CCDC191: variants seen among roughly 807,000 people sequenced by gnomAD.
CCDC191 encodes the protein coiled-coil domain-containing protein 191.
In CCDC191, 99 loss-of-function variants were observed where a neutral mutation model predicts 114.0. The ratio of observed to expected loss-of-function variants is 0.87; its 90% CI spans 0.74 to 1.03. The LOEUF (loss-of-function observed/expected upper bound fraction) is 1.03, where lower values mean the gene tolerates loss of function less well. Ranked by LOEUF, CCDC191 falls within the 50% of genes least tolerant of loss-of-function variation. CCDC191 has a pLI of 0.00. For missense variants in CCDC191, 973 were observed against 1,087.0 expected (o/e 0.90, Z 1.47); for synonymous variants, 351 against 376.0 (o/e 0.93, Z 0.77).
At position 114,036,730 on chromosome 3, in the gene CCDC191, CT is replaced by C; in HGVS notation, c.471del (p.Ile157MetfsTer10). 6.3e-7 allele frequency: 1 copy of C among 1,592,280 alleles called. No homozygotes were observed. Among genetic ancestry groups the C allele is most frequent in the East Asian group, 2.3e-5 (1 of 43,524 alleles). On this transcript the variant is annotated frameshift_variant, in exon 5 of 17. Transcript: ENST00000295878. LOFTEE classifies it high-confidence loss of function. ...ACCACATTTTTATGGAGCAGATGGT[CT>C]ATAAATTTTTGAACGGTGGTACTTT... ...EEESTTVQKF[I>X]DHLLHKNVVD...
chr3:114,018,116 T>C (rs549074806), intron 8 of CCDC191, among the ~76,000 whole-genome samples: 12 of 152,340 alleles, frequency 7.9e-5, no homozygotes, highest in South Asian at 2.1e-4. Context: ...CTTTGGCAGG[T>C]TGGCCCTCCC....
chr3:114,043,886 G>A (rs1416205645), intron 3 of CCDC191, among the ~76,000 whole-genome samples: 3 of 152,116 alleles, frequency 2.0e-5, no homozygotes, highest in South Asian at 2.1e-4. Context: ...TAGGACATGA[G>A]AGAAAGAAAT....
chr3:114,018,119 G>A (rs927378347), intron 8 of CCDC191, among the ~76,000 whole-genome samples: 1 of 152,128 alleles, frequency 6.6e-6, no homozygotes, highest in African/African-American at 2.4e-5. Flanking sequence ...TGGCAGGTTG[G>A]CCCTCCCAGA....
Position 113,965,142 on chromosome 3 carries a change from A to G in CCDC191, c.*13T>C, listed in dbSNP as rs1204554476. 2 of 1,561,228 alleles carry G rather than the reference A, an allele frequency of 1.3e-6. No homozygotes were observed. The highest frequency in any genetic ancestry group is 1.7e-6 in the Non-Finnish European group (2 of 1,148,398). Reference sequence around the variant, plus strand: ...AGTCGAGCTTCCTGTCCTAAATATTACACTAATCTGGCTCATTCGTTCACC... The same window carrying G: ...AGTCGAGCTTCCTGTCCTAAATATTGCACTAATCTGGCTCATTCGTTCACC... On this transcript the variant is annotated 3_prime_UTR_variant, in exon 17 of 17. Coordinates refer to ENST00000295878, the MANE Select transcript of CCDC191 (RefSeq NM_020817.2).
chr3:114,004,660 A>G lies in CCDC191; in HGVS notation c.1955T>C (p.Met652Thr). 1 of 1,612,922 alleles carries G rather than the reference A, an allele frequency of 6.2e-7. No homozygotes were observed. Among genetic ancestry groups the G allele is most frequent in the Non-Finnish European group, 8.5e-7 (1 of 1,179,318 alleles). ...GCCTTTTAGTATGGGATGCGGTGTCATCAATTGCTTTGGTTTCCTTCTGAG... is the reference window on the plus strand; with the variant it reads ...GCCTTTTAGTATGGGATGCGGTGTCGTCAATTGCTTTGGTTTCCTTCTGAG... ...SGLRRKPKQL[M>T]TPHPILKAME... The change falls in exon 11 of 17, where the codon ATG becomes ACG. Residue 652 changes from methionine (M) to threonine (T), a missense_variant. By Grantham distance (81) the Met-to-Thr change is moderately conservative. Coordinates refer to ENST00000295878, the MANE Select transcript of CCDC191 (RefSeq NM_020817.2).
rs2076202290 is a variant in CCDC191, at chr3:114,018,775, G to C, written c.1066C>G (p.Gln356Glu). Reference sequence around the variant, plus strand: ...CTCCAGGCCCGCAGGACCTTCAGCTGAATCTTCCAGTCAGACAGGGTCCCA... The same window carrying C: ...CTCCAGGCCCGCAGGACCTTCAGCTCAATCTTCCAGTCAGACAGGGTCCCA... ...KAGTLSDWKI[Q>E]LKVLRAWRDY... Residue 356 changes from glutamine (Q) to glutamate (E), a missense_variant, in exon 8 of 17, where the codon CAG (glutamine) becomes GAG (glutamate). Coordinates refer to ENST00000295878, the MANE Select transcript of CCDC191 (RefSeq NM_020817.2). 5.0e-6 allele frequency: 8 copies of C among 1,613,698 alleles called. No homozygotes were observed. Among genetic ancestry groups the C allele is most frequent in the Non-Finnish European group, 6.8e-6 (8 of 1,179,794 alleles).
intron 2 of CCDC191, among the ~76,000 whole-genome samples, chr3:114,048,103 G>A (rs2076654479): frequency 6.6e-6 from 1 of 152,188 alleles, no homozygotes; most frequent in Non-Finnish European, 1.5e-5. Context: ...TCCTCAGGAT[G>A]AAAACTTTGG....
chr3:113,974,795 T>TG (rs762156011), intron 16 of CCDC191, among the ~76,000 whole-genome samples: 18 of 150,924 alleles, frequency 1.2e-4, no homozygotes, highest in South Asian at 1.0e-3. Flanking sequence ...GGCTGCCTCC[T>TG]TTTTGGCACT....
At chr3:113,966,631 C>T (rs565629563) in intron 16 of CCDC191, among the ~76,000 whole-genome samples, 9 of 152,066 alleles carry the variant, frequency 5.9e-5, no homozygotes, top group African/African-American at 9.7e-5. Context: ...AGTGTTGAAA[C>T]GAAGTGCAGA....
intron 7 of CCDC191, among the ~76,000 whole-genome samples, chr3:114,028,124 G>A (rs2107718391): frequency 6.6e-6 from 1 of 152,200 alleles, no homozygotes; most frequent in East Asian, 1.9e-4. Context: ...ACACTGAAAA[G>A]GGAGGGGAAG....
chr3:113,965,893 C>T (rs914590673), intron 16 of CCDC191, among the ~76,000 whole-genome samples: 2 of 152,054 alleles, frequency 1.3e-5, no homozygotes, highest in Admixed American at 1.3e-4. Flanking sequence ...CTGTGCCTGG[C>T]CAGTTATTTT....
intron 13 of CCDC191, among the ~76,000 whole-genome samples, chr3:113,990,096 AAATT>A (rs987758737): frequency 2.6e-5 from 4 of 152,232 alleles, no homozygotes; most frequent in African/African-American, 7.2e-5. Context: ...ACAGAAATAA[AAATT>A]AAAGCAGAAA....
intron 4 of CCDC191, among the ~76,000 whole-genome samples, chr3:114,039,877 T>C (rs578070228): frequency 1.7e-4 from 26 of 152,152 alleles, no homozygotes; most frequent in Non-Finnish European, 3.1e-4. Context: ...TTAAAGTCAA[T>C]TTATTATTGA....
intron 11 of CCDC191, chr3:114,002,898 C>T (rs144744201): frequency 2.0e-5 from 20 of 982,410 alleles, no homozygotes; most frequent in Admixed American, 1.8e-4. Flanking sequence ...ATGCAGAAAA[C>T]TTTAATTACA....
chr3:114,003,447 A>T (rs2075891496), intron 11 of CCDC191: 1 of 985,438 alleles, frequency 1.0e-6, no homozygotes, highest in African/African-American at 1.7e-5. Context: ...ACAGATGGCG[A>T]GAGTGAAATT....
chr3:114,036,550 A>G (rs985627877), intron 5 of CCDC191, 58 bp downstream of exon 5: 1 of 1,232,480 alleles, frequency 8.1e-7, no homozygotes, highest in African/African-American at 1.5e-5. Context: ...AGCTTATTAA[A>G]TGTGTTACAC....
chr3:114,056,266 G>T, intron 1 of CCDC191, 111 bp downstream of exon 1: 1 of 996,842 alleles, frequency 1.0e-6, no homozygotes, highest in Middle Eastern at 2.3e-4. Flanking sequence ...AGGCAGGGGC[G>T]TGTCAGCTCA....
chr3:113,966,289 G>A (rs545141275), intron 16 of CCDC191, among the ~76,000 whole-genome samples: 1 of 152,310 alleles, frequency 6.6e-6, no homozygotes, highest in South Asian at 2.1e-4. Context: ...TTAAGTGAGT[G>A]TCTGTGCTGT....
chr3:114,003,652 G>C (rs1294379032), intron 11 of CCDC191: 5 of 984,974 alleles, frequency 5.1e-6, no homozygotes, highest in Non-Finnish European at 6.0e-6. Context: ...TACTTAACTG[G>C]GTATTTACTG....
Sources: allele counts gnomAD v4.1 joint callset (sites outside exome capture counted in the v4.1 genomes callset), GRCh38; gene constraint gnomAD v4.1.1; transcripts MANE v1.5; gene names NCBI Gene and HGNC (gene_info 2026-07-23, HGNC 2026-07-21).